VWA8: variants seen among roughly 807,000 people sequenced by gnomAD.
VWA8 encodes the protein von Willebrand factor A domain-containing protein 8.
VWA8 carries 221 observed loss-of-function variants against 241.5 expected under a neutral mutation model. That is an observed-to-expected ratio of 0.91 (90% confidence interval 0.82 to 1.02). The LOEUF is 1.02. Ranked by LOEUF, VWA8 falls within the 50% of genes least tolerant of loss-of-function variation. VWA8 has a pLI of 0.00. For missense variants in VWA8, 2,322 were observed against 2,328.7 expected (o/e 1.00, Z 0.06); for synonymous variants, 852 against 827.1 (o/e 1.03, Z -0.52).
rs538005495 is a variant in VWA8, at chr13:41,813,803, T to A, written c.1948-2463A>T. Reference sequence around the variant, plus strand: ...TCTCTGCTCTCACATTATTATCAATTAAAAATTGAGAGTATACTTTAAAAA... The same window carrying A: ...TCTCTGCTCTCACATTATTATCAATAAAAAATTGAGAGTATACTTTAAAAA... On this transcript the variant is annotated intron_variant, in intron 16 of 44. Coordinates refer to ENST00000379310, the MANE Select transcript of VWA8 (RefSeq NM_015058.2). Among the ~76,000 whole-genome samples, 8 of 152,224 alleles carry A rather than the reference T, an allele frequency of 5.3e-5. No homozygotes were observed. In the South Asian group the frequency reaches 8.3e-4, roughly 16 times the overall value.
At chr13:41,739,828 T>TTTTTTTTTTGTTTTTTTTGGTTTTTTTG (rs1189212035) in intron 21 of VWA8, among the ~76,000 whole-genome samples, 1 of 73,212 alleles carries the variant, frequency 1.4e-5, no homozygotes, top group Non-Finnish European at 2.4e-5. Context: ...TGTTTTTTTG[T>TTTTTTTTTTGTTTTTTTTGGTTTTTTTG]TTTTTTTTTT....
At chr13:41,747,064 T>A (rs914293908) in intron 21 of VWA8, among the ~76,000 whole-genome samples, 6 of 152,222 alleles carry the variant, frequency 3.9e-5, no homozygotes, top group Admixed American at 6.5e-5. Context: ...TGGCTTAGGA[T>A]TGACTTGGCA....
At chr13:41,869,836 T>C (rs949254585) in intron 9 of VWA8, among the ~76,000 whole-genome samples, 10 of 152,140 alleles carry the variant, frequency 6.6e-5, no homozygotes, top group Middle Eastern at 3.4e-3. Context: ...GCATGCTCAA[T>C]ATAAAAAACT....
chr13:41,884,281 T>TGTTCTCATGATAGTGA (rs1435461508), intron 8 of VWA8, among the ~76,000 whole-genome samples: 1 of 152,196 alleles, frequency 6.6e-6, no homozygotes, highest in Admixed American at 6.5e-5. Context: ...ACCTCCATGC[T>TGTTCTCATGATAGTGA]GTTCTCATGA....
intron 4 of VWA8, among the ~76,000 whole-genome samples, chr13:41,899,079 C>T (rs1239981484): frequency 6.6e-6 from 1 of 152,198 alleles, no homozygotes; most frequent in Non-Finnish European, 1.5e-5. Flanking sequence ...AAGTGGGAGC[C>T]CAGGCAGAGG....
At chr13:41,960,705 G>T (rs945668847) in intron 1 of VWA8, 148 bp downstream of exon 1, 4 of 1,183,844 alleles carry the variant, frequency 3.4e-6, no homozygotes, top group Middle Eastern at 2.9e-4. Context: ...CGCCGAGGTC[G>T]GGACTAGAAC....
At chr13:41,618,264 C>T (rs2044634450) in intron 37 of VWA8, among the ~76,000 whole-genome samples, 1 of 152,222 alleles carries the variant, frequency 6.6e-6, no homozygotes, top group Non-Finnish European at 1.5e-5. Context: ...CTTTTGGCTG[C>T]ATAAATGTCT....
At chr13:41,596,084 G>A (rs924582611) in intron 40 of VWA8, among the ~76,000 whole-genome samples, 1 of 151,802 alleles carries the variant, frequency 6.6e-6, no homozygotes, top group Non-Finnish European at 1.5e-5. Context: ...ATTACTTTTG[G>A]TACTGCTTGT....
chr13:41,954,029 A>G (rs1878250589), intron 1 of VWA8, among the ~76,000 whole-genome samples: 1 of 152,202 alleles, frequency 6.6e-6, no homozygotes, highest in South Asian at 2.1e-4. Flanking sequence ...CCACATCTGC[A>G]ATAGACAAAA....
At chr13:41,944,292 G>A (rs1025773074) in intron 2 of VWA8, among the ~76,000 whole-genome samples, 7 of 151,902 alleles carry the variant, frequency 4.6e-5, no homozygotes, top group African/African-American at 1.7e-4. Flanking sequence ...ACAATCTCAT[G>A]AGCATTTATG....
At position 41,891,343 on chromosome 13, in the gene VWA8, G is replaced by A; in HGVS notation, c.651+77C>T. 1.3e-6 allele frequency: 2 copies of A among 1,551,556 alleles called. 1 individual carries two copies. Among genetic ancestry groups the A allele is most frequent in the Non-Finnish European group, 1.8e-6 (2 of 1,137,756 alleles). ...GAACATCTGTCCTGATTCCAACAGA[G>A]CCATGTCTTACACAATAAAATGGCA... On this transcript the variant is annotated intron_variant, in intron 5 of 44. Coordinates refer to ENST00000379310, the MANE Select transcript of VWA8 (RefSeq NM_015058.2).
intron 37 of VWA8, among the ~76,000 whole-genome samples, chr13:41,645,652 T>C (rs2044826597): frequency 1.3e-5 from 2 of 152,120 alleles, no homozygotes; most frequent in Non-Finnish European, 2.9e-5. Context: ...ACATTTCCAG[T>C]ATCATGACTG....
At chr13:41,783,631 G>A (rs1221368519) in intron 19 of VWA8, among the ~76,000 whole-genome samples, 164 bp downstream of exon 19, 7 of 139,690 alleles carry the variant, frequency 5.0e-5, no homozygotes, top group Non-Finnish European at 9.2e-5. Flanking sequence ...AAGTGAGACT[G>A]CATCACAGAA....
intron 18 of VWA8, among the ~76,000 whole-genome samples, chr13:41,784,725 TATATACACACAC>T (rs1869086873): frequency 3.3e-5 from 2 of 59,866 alleles, no homozygotes; most frequent in Non-Finnish European, 7.9e-5. Flanking sequence ...TATATATATA[TATATACACACAC>T]ATATATATAT....
chr13:41,692,181 A>G (rs1566417101), intron 30 of VWA8, among the ~76,000 whole-genome samples: 1 of 152,084 alleles, frequency 6.6e-6, no homozygotes, highest in Non-Finnish European at 1.5e-5. Flanking sequence ...ACAACACCAA[A>G]CATTGTTAAG....
In VWA8 at chr13:41,701,443, T is replaced by A; in HGVS notation, c.3313A>T (p.Arg1105Ter). ...LNFTEECASW[R>*]IPLDEINIIC... ...ATATTAATTTCATCCAATGGTATTC[T>A]CCATGAGGCACATTCTTCAGTAAAG... is the stretch of plus-strand genomic sequence containing the variant. Residue 1105 changes from arginine to a stop codon, truncating the protein, a stop_gained, in exon 28 of 45, where the codon AGA becomes TGA. Coordinates refer to ENST00000379310, the MANE Select transcript of VWA8 (RefSeq NM_015058.2). LOFTEE classifies it high-confidence loss of function. 1 of 1,612,018 alleles carries A rather than the reference T, an allele frequency of 6.2e-7. No individual in the cohort carries two copies. Among genetic ancestry groups the A allele is most frequent in the Non-Finnish European group, 8.5e-7 (1 of 1,179,156 alleles).
At chr13:41,846,393 G>A (rs901263028) in intron 12 of VWA8, among the ~76,000 whole-genome samples, 1 of 152,122 alleles carries the variant, frequency 6.6e-6, no homozygotes, top group East Asian at 1.9e-4. Flanking sequence ...TACAAAGTGA[G>A]GAAGGCTGGG....
intron 19 of VWA8, among the ~76,000 whole-genome samples, chr13:41,779,510 T>A (rs1016240690): frequency 6.6e-6 from 1 of 152,106 alleles, no homozygotes; most frequent in African/African-American, 2.4e-5. Flanking sequence ...TACTTTTAAA[T>A]GGATATAAGG....
At chr13:41,786,459 C>T (rs1305939608) in intron 18 of VWA8, among the ~76,000 whole-genome samples, 1 of 152,168 alleles carries the variant, frequency 6.6e-6, no homozygotes, top group Admixed American at 6.6e-5. Flanking sequence ...TTCACTTAGG[C>T]TCCTTATCCC....
Sources: gnomAD v4.1 joint callset for allele counts (sites outside exome capture counted in the v4.1 genomes callset) on GRCh38, gnomAD v4.1.1 for gene constraint, MANE v1.5 for transcripts, NCBI Gene and HGNC (gene_info 2026-07-23, HGNC 2026-07-21) for gene names.